Variants in CA10 observed in about 807,000 individuals in gnomAD.
CA10 encodes the protein carbonic anhydrase-related protein 10.
CA10 carries 14 observed loss-of-function variants against 44.2 expected under a neutral mutation model. The ratio of observed to expected loss-of-function variants is 0.32; its 90% CI spans 0.21 to 0.50. CA10 has a LOEUF of 0.50. Ranked by LOEUF, CA10 falls within the 20% of genes least tolerant of loss-of-function variation. CA10 has a pLI of 0.99. For synonymous variants in CA10, 159 were observed against 141.6 expected (o/e 1.12, Z -0.87); for missense variants, 350 against 409.7 (o/e 0.85, Z 1.26).
chr17:51,809,125 GAAC>G (rs1907253925), intron 3 of CA10, among the ~76,000 whole-genome samples: 3 of 151,196 alleles, frequency 2.0e-5, no homozygotes, highest in Admixed American at 2.0e-4. Context: ...CAAATAAAAG[GAAC>G]AAAAGTGATA....
intron 3 of CA10, among the ~76,000 whole-genome samples, chr17:51,828,220 A>G (rs1292232151): frequency 6.6e-6 from 1 of 152,154 alleles, no homozygotes; most frequent in Non-Finnish European, 1.5e-5. Context: ...ATGGCTGGGC[A>G]CTGCAGACAG....
At chr17:51,948,680 T>G (rs1267988164) in intron 2 of CA10, among the ~76,000 whole-genome samples, 1 of 152,100 alleles carries the variant, frequency 6.6e-6, no homozygotes, top group Non-Finnish European at 1.5e-5. Flanking sequence ...TGCACCAGGG[T>G]CTTTTATGTG....
At chr17:52,120,512 A>G (rs1249130479) in intron 1 of CA10, among the ~76,000 whole-genome samples, 2 of 152,008 alleles carry the variant, frequency 1.3e-5, no homozygotes, top group East Asian at 1.9e-4. Context: ...TGTACTTCTA[A>G]CCTAAGGGCA....
chr17:51,893,281 G>T (rs1253007073), intron 3 of CA10, among the ~76,000 whole-genome samples: 1 of 152,082 alleles, frequency 6.6e-6, no homozygotes, highest in Non-Finnish European at 1.5e-5. Flanking sequence ...AAAAATCCAC[G>T]CTCTAAGTCC....
At chr17:51,734,319 T>C (rs1459783755) in intron 4 of CA10, among the ~76,000 whole-genome samples, 3 of 152,248 alleles carry the variant, frequency 2.0e-5, no homozygotes, top group Non-Finnish European at 4.4e-5. Context: ...TCCATAGGCC[T>C]CTTGGTGCTG....
intron 2 of CA10, among the ~76,000 whole-genome samples, chr17:52,036,102 C>T (rs985308775): frequency 2.0e-5 from 3 of 152,128 alleles, no homozygotes; most frequent in Non-Finnish European, 2.9e-5. Flanking sequence ...CCACGAGTTC[C>T]CAGAGGATGT....
Position 51,705,262 on chromosome 17 carries a change from A to C in CA10, c.465+42371T>G, listed in dbSNP as rs1040686632. On this transcript the variant is annotated intron_variant, in intron 4 of 8. Coordinates refer to ENST00000451037, the MANE Select transcript of CA10 (RefSeq NM_020178.5). ...TCATCCTTCAGATAGCAGCCTACTC[A>C]CCATTTCTTCAGGGACACTTTCTCT... 4.6e-5 allele frequency among the ~76,000 whole-genome samples: 7 copies of C among 152,242 alleles called. No homozygotes were observed. The East Asian group carries it at 1.2e-3, about 25-fold the overall frequency.
intron 3 of CA10, among the ~76,000 whole-genome samples, chr17:51,814,679 T>C (rs1907498441): frequency 6.6e-6 from 1 of 152,214 alleles, no homozygotes; most frequent in Non-Finnish European, 1.5e-5. Flanking sequence ...ACTAAGCAAT[T>C]TGATCAAGGT....
At chr17:51,750,204 T>A (rs1414631230) in intron 3 of CA10, among the ~76,000 whole-genome samples, 33 of 152,136 alleles carry the variant, frequency 2.2e-4, no homozygotes, top group Admixed American at 2.0e-3. Context: ...GGACAGCAAA[T>A]CGACCACAAT....
At position 52,089,323 on chromosome 17, in the gene CA10, C is replaced by A. The variant is rs148380676; in HGVS notation, c.62-16930G>T. On this transcript the variant is annotated intron_variant, in intron 1 of 8. Transcript: ENST00000451037. ...TGTGTGAAAGTGTCACCACAGGGACCAAGGGTGGGCTGGCATTAGGTCTTG... is the reference window on the plus strand; with the variant it reads ...TGTGTGAAAGTGTCACCACAGGGACAAAGGGTGGGCTGGCATTAGGTCTTG... Among the ~76,000 whole-genome samples the A allele has an allele frequency of 7.1e-3, 1,078 of 152,198 alleles. 10 individuals carry two copies. Among genetic ancestry groups the A allele is most frequent in the African/African-American group, 0.025 (1,026 of 41,520 alleles).
At chr17:52,058,856 C>A (rs1432824856) in intron 2 of CA10, among the ~76,000 whole-genome samples, 2 of 152,144 alleles carry the variant, frequency 1.3e-5, no homozygotes, top group East Asian at 3.9e-4. Context: ...TAAACTGTAA[C>A]TCTTAATTTG....
At chr17:51,671,069 G>A (rs1459128035) in intron 4 of CA10, among the ~76,000 whole-genome samples, 2 of 152,162 alleles carry the variant, frequency 1.3e-5, no homozygotes, top group Non-Finnish European at 2.9e-5. Flanking sequence ...CATGTCAGCT[G>A]TGGAGAAATA....
intron 4 of CA10, among the ~76,000 whole-genome samples, chr17:51,721,272 C>T (rs1046312631): frequency 6.6e-6 from 1 of 152,080 alleles, no homozygotes; most frequent in Admixed American, 6.5e-5. Context: ...GTGGAGGTTG[C>T]GGTGAACTGA....
chr17:51,801,287 C>T (rs778149744), intron 3 of CA10, among the ~76,000 whole-genome samples: 1 of 152,120 alleles, frequency 6.6e-6, no homozygotes, highest in Non-Finnish European at 1.5e-5. Flanking sequence ...CAATAGGATG[C>T]ATGAAAGGTC....
rs139099554 is a variant in CA10 at position 52,009,997 on chromosome 17, A to G, written c.136+62322T>C. ...ATAAATGGCCAAGAAGCATATGGAAAAATGCTCCACATCACTAAATATCAG... is the reference window on the plus strand; with the variant it reads ...ATAAATGGCCAAGAAGCATATGGAAGAATGCTCCACATCACTAAATATCAG... On this transcript the variant is annotated intron_variant, in intron 2 of 8. Transcript: ENST00000451037. Among the ~76,000 whole-genome samples the G allele has an allele frequency of 3.3e-5, 5 of 152,196 alleles. No individual in the cohort carries two copies. The East Asian group carries it at 9.7e-4, about 30-fold the overall frequency.
At chr17:51,816,946 T>C (rs546662076) in intron 3 of CA10, among the ~76,000 whole-genome samples, 3 of 152,296 alleles carry the variant, frequency 2.0e-5, no homozygotes, top group Non-Finnish European at 4.4e-5. Flanking sequence ...TCATCCCACA[T>C]TGGGCTATAG....
chr17:52,054,517 C>T (rs1370243515), intron 2 of CA10, among the ~76,000 whole-genome samples: 1 of 151,870 alleles, frequency 6.6e-6, no homozygotes, highest in Middle Eastern at 3.2e-3. Context: ...TATTTTGTTA[C>T]CTTGTAAAAC....
chr17:52,055,805 G>T (rs573873927), intron 2 of CA10, among the ~76,000 whole-genome samples: 1 of 152,022 alleles, frequency 6.6e-6, no homozygotes, highest in Non-Finnish European at 1.5e-5. Flanking sequence ...CATAATTCTG[G>T]GCAACTGATA....
chr17:51,986,728 T>C (rs1366050769), intron 2 of CA10, among the ~76,000 whole-genome samples: 1 of 151,808 alleles, frequency 6.6e-6, no homozygotes, highest in Non-Finnish European at 1.5e-5. Flanking sequence ...CAAAAGAAGA[T>C]ACACAAATGG....
Sources: allele counts gnomAD v4.1 joint callset (sites outside exome capture counted in the v4.1 genomes callset), GRCh38; gene constraint gnomAD v4.1.1; transcripts MANE v1.5; gene names NCBI Gene and HGNC (gene_info 2026-07-23, HGNC 2026-07-21).